PLA2G4F: variants seen among roughly 807,000 people sequenced by gnomAD.
The protein encoded by PLA2G4F is cytosolic phospholipase A2 zeta.
Under a neutral mutation model 103.1 loss-of-function variants are expected in PLA2G4F, and 105 were observed. That is an observed-to-expected ratio of 1.02 (90% CI 0.87 to 1.20). PLA2G4F has a LOEUF of 1.20. Among genes scored for constraint, PLA2G4F ranks in the 50% most tolerant of loss-of-function variants. PLA2G4F has a pLI of 0.00. For missense variants in PLA2G4F, 1,155 were observed against 1,075.9 expected (o/e 1.07, Z -1.03); for synonymous variants, 468 against 441.1 (o/e 1.06, Z -0.76).
At chr15:42,144,245 C>T in intron 17 of PLA2G4F, 101 bp from the exon 18 acceptor site, 1 of 1,449,102 alleles carries the variant, frequency 6.9e-7, no homozygotes, top group Non-Finnish European at 9.3e-7. Context: ...CTGTAGAGTT[C>T]TCTCTGACAG....
Position 42,145,558 on chromosome 15 carries a change from G to A in PLA2G4F, c.1780+17C>T, listed in dbSNP as rs750556957. ...CTGGAATGTGGTGTGGGAGGGGCTCGGGGTCGCTACCCTCACCTGTGATAT... is the reference window on the plus strand; with the variant it reads ...CTGGAATGTGGTGTGGGAGGGGCTCAGGGTCGCTACCCTCACCTGTGATAT... On this transcript the variant is annotated intron_variant, in intron 16 of 19. Coordinates refer to ENST00000397272, the MANE Select transcript of PLA2G4F (RefSeq NM_213600.4). The A allele has an allele frequency of 4.7e-5, 75 of 1,608,686 alleles. No individual in the cohort carries two copies. Among genetic ancestry groups the A allele is most frequent in the Non-Finnish European group, 5.2e-5 (61 of 1,175,658 alleles).
chr15:42,142,032 G>A lies in PLA2G4F; in HGVS notation c.2502C>T (p.Leu834=), dbSNP rs1337019768. Residue 834 remains leucine (L), a synonymous_variant, in exon 20 of 20, where the codon CTC becomes CTT. Transcript: ENST00000397272. ...LNNVETLKCA[L]QLALDRHQAR... Reference sequence around the variant, plus strand: ...CCTGGTGCCGGTCCAGAGCCAGCTGGAGGGCGCACTTCAAGGTCTCCACGT... The same window carrying A: ...CCTGGTGCCGGTCCAGAGCCAGCTGAAGGGCGCACTTCAAGGTCTCCACGT... 2 of 1,614,052 alleles carry A rather than the reference G, an allele frequency of 1.2e-6. No homozygotes were observed. Among genetic ancestry groups the A allele is most frequent in the African/African-American group, 2.7e-5 (2 of 74,932 alleles).
chr15:42,148,614 C>A, intron 11 of PLA2G4F: 3 of 984,902 alleles, frequency 3.0e-6, no homozygotes, highest in Non-Finnish European at 3.6e-6. Flanking sequence ...TAAATTGTCC[C>A]CCGTTGAGCA....
intron 11 of PLA2G4F, among the ~76,000 whole-genome samples, chr15:42,148,099 G>A (rs141020647): frequency 0.019 from 2,840 of 151,388 alleles, 60 homozygotes; most frequent in Middle Eastern, 0.048. Flanking sequence ...GGAGAATGGC[G>A]TGAACCCAGG....
At chr15:42,150,541 C>T (rs2048947326) in intron 8 of PLA2G4F, 55 bp from the exon 9 acceptor site, 4 of 1,598,236 alleles carry the variant, frequency 2.5e-6, no homozygotes, top group Non-Finnish European at 3.4e-6. Flanking sequence ...AAGTCTCCCC[C>T]AACGTGGCCC....
At chr15:42,143,112 G>A (rs1252157251) in intron 18 of PLA2G4F, among the ~76,000 whole-genome samples, 1 of 144,504 alleles carries the variant, frequency 6.9e-6, no homozygotes, top group Non-Finnish European at 1.5e-5. Flanking sequence ...CTAGGAGGCA[G>A]AGGTTGCAGC....
In PLA2G4F at chr15:42,150,583, C is replaced by T. The variant is rs188107645; in HGVS notation, c.771+25G>A. On this transcript the variant is annotated intron_variant, in intron 8 of 19. Transcript: ENST00000397272. Reference sequence around the variant, plus strand: ...GCCAGTCTGGGCTGAGTTGGATCTACCGACCATCCTGGCGGCGCACTCACC... The same window carrying T: ...GCCAGTCTGGGCTGAGTTGGATCTATCGACCATCCTGGCGGCGCACTCACC... 2.0e-3 allele frequency: 3,182 copies of T among 1,596,534 alleles called. 58 individuals are homozygous for T. In the African/African-American group the frequency reaches 0.039, roughly 19 times the overall value.
chr15:42,149,569 G>T, intron 11 of PLA2G4F, 144 bp downstream of exon 11: 1 of 1,447,040 alleles, frequency 6.9e-7, no homozygotes, highest in Non-Finnish European at 9.1e-7. Context: ...CCCATATGGG[G>T]TCCTAGCTCT....
intron 1 of PLA2G4F, among the ~76,000 whole-genome samples, chr15:42,156,235 AG>A (rs1300841659): frequency 2.6e-5 from 4 of 152,238 alleles, no homozygotes; most frequent in African/African-American, 7.2e-5. Context: ...ACAAGTGTCA[AG>A]TGAACTAACC....
rs936297481 is a variant in PLA2G4F at position 42,151,018 on chromosome 15, C to T, written c.602-241G>A. On this transcript the variant is annotated intron_variant, in intron 7 of 19. Transcript: ENST00000397272. ...GGAAGGGTGGGAAGCACACAAATGCCTGGAGGGGAAGGCAGGGAGCGGGGA... is the reference window on the plus strand; with the variant it reads ...GGAAGGGTGGGAAGCACACAAATGCTTGGAGGGGAAGGCAGGGAGCGGGGA... The T allele has an allele frequency of 1.1e-5, 11 of 985,286 alleles. No homozygotes were observed. In the African/African-American group the frequency reaches 1.9e-4, roughly 17 times the overall value. The allele number at this position is 985,286 out of a possible 1,614,324, so 61.0% of individuals were successfully genotyped here.
chr15:42,146,018 C>T, intron 14 of PLA2G4F, 109 bp downstream of exon 14: 7 of 1,585,072 alleles, frequency 4.4e-6, no homozygotes, highest in Non-Finnish European at 6.0e-6. Flanking sequence ...CGCTGTGCTC[C>T]AAGGTGCCTG....
chr15:42,149,912 T>G (rs536341713), intron 10 of PLA2G4F, 64 bp from the exon 11 acceptor site: 1 of 1,581,578 alleles, frequency 6.3e-7, no homozygotes, highest in African/African-American at 1.3e-5. Context: ...GAGGAGAGCC[T>G]TGGGCCCAGC....
intron 2 of PLA2G4F, among the ~76,000 whole-genome samples, chr15:42,155,296 GCACT>G (rs1452985666): frequency 6.6e-6 from 1 of 151,340 alleles, no homozygotes; most frequent in Non-Finnish European, 1.5e-5. Context: ...ACATATACAC[GCACT>G]CACACACACG....
At chr15:42,146,896 A>G (rs928295734) in intron 13 of PLA2G4F, 1 of 545,678 alleles carries the variant, frequency 1.8e-6, no homozygotes, top group Admixed American at 3.1e-5. Context: ...TCTAATATGC[A>G]CCCAGAGCTG....
At chr15:42,155,218 C>T (rs536580146) in intron 2 of PLA2G4F, among the ~76,000 whole-genome samples, 1 of 152,070 alleles carries the variant, frequency 6.6e-6, no homozygotes, top group African/African-American at 2.4e-5. Flanking sequence ...CTCACACACT[C>T]GCTCACACTT....
rs976834674 is a variant in PLA2G4F, at chr15:42,147,466, C to A, written c.1197-120G>T. The A allele has an allele frequency of 1.4e-5, 19 of 1,381,038 alleles. No homozygotes were observed. The South Asian group carries it at 1.7e-4, about 12-fold the overall frequency. 85.5% of individuals were successfully genotyped at this position (1,381,038 alleles called of 1,614,324 possible). A position where few individuals can be genotyped will look rare whatever the true frequency, so the allele number is the denominator to read the frequency against. Reference sequence around the variant, plus strand: ...CTTGCACTGCTGCCCTGCAAACAACCCAACTCAGAGGGGCGCTTGGGACTC... The same window carrying A: ...CTTGCACTGCTGCCCTGCAAACAACACAACTCAGAGGGGCGCTTGGGACTC... On this transcript the variant is annotated intron_variant, in intron 12 of 19. Coordinates refer to ENST00000397272, the MANE Select transcript of PLA2G4F (RefSeq NM_213600.4).
At chr15:42,156,362 G>C (rs971954315) in intron 1 of PLA2G4F, 77 bp downstream of exon 1, 2 of 1,221,192 alleles carry the variant, frequency 1.6e-6, no homozygotes, top group South Asian at 2.8e-5. Context: ...GCTGGGGCTG[G>C]TCTCAGTCTT....
At position 42,149,604 on chromosome 15, in the gene PLA2G4F, G is replaced by A; in HGVS notation, c.1059+109C>T. The A allele has an allele frequency of 2.7e-6, 4 of 1,502,754 alleles. No homozygotes were observed. In the East Asian group the frequency reaches 7.2e-5, roughly 27 times the overall value. 93.1% of individuals were successfully genotyped at this position (1,502,754 alleles called of 1,614,324 possible). A position where few individuals can be genotyped will look rare whatever the true frequency, so the allele number is the denominator to read the frequency against. ...TGCCGATGGTGCCCACAGCTCAGGT[G>A]AACAGGCCAACCTCCTCTGGCCCCT... On this transcript the variant is annotated intron_variant, in intron 11 of 19. Coordinates refer to ENST00000397272, the MANE Select transcript of PLA2G4F (RefSeq NM_213600.4).
rs1239147040 is a variant in PLA2G4F, at chr15:42,156,617, C to T, written c.-68G>A. 9.0e-7 allele frequency: 1 copy of T among 1,112,724 alleles called. No individual in the cohort carries two copies. 68.9% of individuals were successfully genotyped at this position (1,112,724 alleles called of 1,614,324 possible). A position where few individuals can be genotyped will look rare whatever the true frequency, so the allele number is the denominator to read the frequency against. Reference sequence around the variant, plus strand: ...CCTCTGGTTGCACAAACTGCTGGCTCAGGTGTGACAGGCAGCACTGAGTTG... The same window carrying T: ...CCTCTGGTTGCACAAACTGCTGGCTTAGGTGTGACAGGCAGCACTGAGTTG... On this transcript the variant is annotated 5_prime_UTR_variant, in exon 1 of 20. Transcript: ENST00000397272.
Sources: gnomAD v4.1 joint callset for allele counts (sites outside exome capture counted in the v4.1 genomes callset) on GRCh38, gnomAD v4.1.1 for gene constraint, MANE v1.5 for transcripts, NCBI Gene and HGNC (gene_info 2026-07-23, HGNC 2026-07-21) for gene names.